The following GINS3 variants were observed in gnomAD, a reference collection of about 807,000 sequenced individuals.
GINS3 encodes DNA replication complex GINS protein PSF3.
Under a neutral mutation model 20.0 loss-of-function variants are expected in GINS3, and 18 were observed. The observed-to-expected ratio is 0.90, with a 90% confidence interval of 0.62 to 1.33. The LOEUF (loss-of-function observed/expected upper bound fraction) is 1.33, where lower values mean the gene tolerates loss of function less well. Among genes scored for constraint, GINS3 ranks in the 40% most tolerant of loss-of-function variants. The pLI is 0.00. For synonymous variants in GINS3, 109 were observed against 107.0 expected, an observed-to-expected ratio of 1.02 and a Z score of -0.12; for missense variants, 254 against 273.6, an observed-to-expected ratio of 0.93 and a Z score of 0.51.
intron 1 of GINS3, among the ~76,000 whole-genome samples, chr16:58,395,729 T>C (rs527880850): frequency 2.0e-4 from 31 of 152,332 alleles, no homozygotes; most frequent in African/African-American, 6.5e-4. Context: ...CCACGTCTAC[T>C]TGTTTCTACA....
At chr16:58,404,421 A>G (rs1328343694) in intron 2 of GINS3, 78 bp from the exon 3 acceptor site, 7 of 914,542 alleles carry the variant, frequency 7.7e-6, no homozygotes, top group South Asian at 1.5e-5. Context: ...TGCCATTTAA[A>G]TGTTCTGAGA....
At chr16:58,395,827 G>C (rs931538459) in intron 1 of GINS3, among the ~76,000 whole-genome samples, 1 of 152,040 alleles carries the variant, frequency 6.6e-6, no homozygotes, top group Admixed American at 6.6e-5. Context: ...ATCCTGGCCC[G>C]TTCTCAATGA....
rs971461973 is a variant in GINS3 at position 58,404,423 on chromosome 16, G to A, written c.421-76G>A. The A allele has an allele frequency of 3.2e-6, 3 of 936,520 alleles. No homozygotes were observed. In the East Asian group the frequency reaches 7.2e-5, roughly 23 times the overall value. The allele number at this position is 936,520 out of a possible 1,614,324, so 58.0% of individuals were successfully genotyped here. A position where few individuals can be genotyped will look rare whatever the true frequency, so the allele number is the denominator to read the frequency against. ...TTCTTTCTTTTCATGCCATTTAAAT[G>A]TTCTGAGATAAAAATGGATATGACT... On this transcript the variant is annotated intron_variant, in intron 2 of 2. Coordinates refer to ENST00000318129, the MANE Select transcript of GINS3 (RefSeq NM_022770.4).
At chr16:58,397,159 A>G (rs1371165490) in intron 1 of GINS3, among the ~76,000 whole-genome samples, 1 of 147,246 alleles carries the variant, frequency 6.8e-6, no homozygotes, top group Non-Finnish European at 1.5e-5. Flanking sequence ...GGGGCTCCTC[A>G]CTTCTCAGAC....
intron 2 of GINS3, 46 bp downstream of exon 2, chr16:58,403,377 A>T: frequency 2.1e-6 from 3 of 1,430,180 alleles, no homozygotes; most frequent in Non-Finnish European, 2.0e-6. Flanking sequence ...TTGTCTCAAG[A>T]GCCAGCCACA....
intron 2 of GINS3, chr16:58,403,768 A>G (rs1391535549): frequency 1.7e-5 from 3 of 177,984 alleles, no homozygotes; most frequent in Non-Finnish European, 2.4e-5. Flanking sequence ...GCTATGGTGC[A>G]TTACAGGTGA....
chr16:58,404,611 C>T lies in GINS3; in HGVS notation c.533C>T (p.Thr178Ile), dbSNP rs1289673923. Residue 178 changes from threonine to isoleucine, a missense_variant, in exon 3 of 3, where the codon ACA becomes ATA. Thr to Ile is a moderately conservative substitution (Grantham distance 89). Transcript: ENST00000318129. ...LDEMERGLFQ[T>I]GQKGLNDFQC... is the part of the protein sequence containing the mutation. ...GAGATGGAGAGGGGCTTATTTCAAACAGGGCAGAAAGGACTGAATGACTTT... is the reference window on the plus strand; with the variant it reads ...GAGATGGAGAGGGGCTTATTTCAAATAGGGCAGAAAGGACTGAATGACTTT... The T allele has an allele frequency of 6.8e-6, 11 of 1,614,104 alleles. No individual in the cohort carries two copies. The highest frequency in any genetic ancestry group is 1.7e-4 in the Middle Eastern group (1 of 6,060).
intron 1 of GINS3, among the ~76,000 whole-genome samples, chr16:58,396,558 G>GC (rs1417114573): frequency 2.7e-3 from 3 of 1,128 alleles, no homozygotes; most frequent in South Asian, 0.042. Context: ...GGCTGGTCGG[G>GC]CGGGGGCTGA....
At chr16:58,397,782 C>G (rs1034989814) in intron 1 of GINS3, among the ~76,000 whole-genome samples, 4 of 151,972 alleles carry the variant, frequency 2.6e-5, no homozygotes, top group African/African-American at 7.3e-5. Flanking sequence ...GGCTCGGCAT[C>G]AGAGGGAGAC....
chr16:58,395,151 C>T, intron 1 of GINS3: 1 of 457,078 alleles, frequency 2.2e-6, no homozygotes, highest in Admixed American at 4.1e-5. Flanking sequence ...ATATGGCTCA[C>T]TGCAGCCTTG....
chr16:58,403,408 C>G (rs1421376295), intron 2 of GINS3, 77 bp downstream of exon 2: 5 of 1,092,996 alleles, frequency 4.6e-6, no homozygotes, highest in Non-Finnish European at 6.7e-6. Flanking sequence ...TTACCCAGGA[C>G]AGTGTATGAC....
At chr16:58,401,021 G>T (rs1424233863) in intron 1 of GINS3, among the ~76,000 whole-genome samples, 1 of 151,924 alleles carries the variant, frequency 6.6e-6, no homozygotes, top group Non-Finnish European at 1.5e-5. Context: ...CACCATGTTG[G>T]TCAGGCCCGT....
chr16:58,399,531 CTT>C (rs1167109898), intron 1 of GINS3, among the ~76,000 whole-genome samples: 1 of 151,946 alleles, frequency 6.6e-6, no homozygotes, highest in African/African-American at 2.4e-5. Flanking sequence ...AGGTATGTCT[CTT>C]TTATGCAGCA....
In GINS3 at chr16:58,405,127, C is replaced by T. The variant is rs1245045699; in HGVS notation, c.*398C>T. On this transcript the variant is annotated 3_prime_UTR_variant, in exon 3 of 3. Coordinates refer to ENST00000318129, the MANE Select transcript of GINS3 (RefSeq NM_022770.4). ...AAAGCACAGGTACAAACTGGGTCAT[C>T]GCCTGTTCACAAAATGCTCTCTTGA... is the stretch of plus-strand genomic sequence containing the variant. The T allele has an allele frequency of 2.1e-5, 4 of 189,534 alleles. No homozygotes were observed. Among genetic ancestry groups the T allele is most frequent in the Middle Eastern group, 2.3e-3 (1 of 442 alleles). The allele number at this position is 189,534 out of a possible 1,614,324, so 11.7% of individuals were successfully genotyped here. A position where few individuals can be genotyped will look rare whatever the true frequency, so the allele number is the denominator to read the frequency against.
At chr16:58,396,769 C>T (rs1350270792) in intron 1 of GINS3, among the ~76,000 whole-genome samples, 3 of 125,046 alleles carry the variant, frequency 2.4e-5, no homozygotes, top group Admixed American at 2.3e-4. Context: ...GGGGCTGACC[C>T]CCCCACCTCC....
chr16:58,402,475 T>C (rs572693270), intron 1 of GINS3, among the ~76,000 whole-genome samples: 1 of 152,352 alleles, frequency 6.6e-6, no homozygotes, highest in African/African-American at 2.4e-5. Flanking sequence ...GTGAGAGTTT[T>C]GGCTCTTACT....
rs1356236078 is a variant in GINS3 at position 58,404,763 on chromosome 16, C to T, written c.*34C>T. The T allele has an allele frequency of 1.5e-5, 22 of 1,449,158 alleles. No individual in the cohort carries two copies. Among genetic ancestry groups the T allele is most frequent in the East Asian group, 4.6e-5 (2 of 43,116 alleles). The allele number at this position is 1,449,158 out of a possible 1,614,324, so 89.8% of individuals were successfully genotyped here. ...AGAACACAGAATGGCTCCTCACAGA[C>T]GTATCCCTCCGTGTGTCCTTGATAG... On this transcript the variant is annotated 3_prime_UTR_variant, in exon 3 of 3. Transcript: ENST00000318129.
intron 1 of GINS3, among the ~76,000 whole-genome samples, chr16:58,396,771 C>T (rs1965874776): frequency 2.4e-5 from 3 of 126,802 alleles, no homozygotes; most frequent in Admixed American, 1.5e-4. Context: ...GGCTGACCCC[C>T]CCACCTCCTT....
chr16:58,396,230 A>C (rs1281865222), intron 1 of GINS3, among the ~76,000 whole-genome samples: 46 of 99,904 alleles, frequency 4.6e-4, no homozygotes, highest in African/African-American at 1.9e-3. Context: ...GGCGCCCCTC[A>C]CCTCCCAGAC....
Sources: gnomAD v4.1 joint callset for allele counts (sites outside exome capture counted in the v4.1 genomes callset) on GRCh38, gnomAD v4.1.1 for gene constraint, MANE v1.5 for transcripts, NCBI Gene and HGNC (gene_info 2026-07-23, HGNC 2026-07-21) for gene names.